METTL8: variants seen among roughly 807,000 people sequenced by gnomAD.
The protein encoded by METTL8 is methyltransferase 8, tRNA N3-cytidine, also known as tRNA N(3)-cytidine methyltransferase METTL8, mitochondrial.
In METTL8, 32 loss-of-function variants were observed where a neutral mutation model predicts 48.7. That is an observed-to-expected ratio of 0.66 (90% CI 0.50 to 0.88). METTL8 has a LOEUF of 0.88. Among genes scored for constraint, METTL8 ranks in the 40% least tolerant of loss-of-function variants. The pLI, the probability that METTL8 is intolerant of heterozygous loss-of-function variation, is 0.00. For synonymous variants in METTL8, 136 were observed against 157.1 expected (o/e 0.87, Z 1.01); for missense variants, 464 against 474.4 (o/e 0.98, Z 0.20).
chr2:171,414,940 T>TA (rs1691147133), intron 1 of METTL8, among the ~76,000 whole-genome samples: 1 of 152,170 alleles, frequency 6.6e-6, no homozygotes. Context: ...CTGATGGTTT[T>TA]ATAAGGGGAA....
intron 1 of METTL8, among the ~76,000 whole-genome samples, chr2:171,428,977 A>G (rs1220684277): frequency 6.6e-6 from 1 of 152,228 alleles, no homozygotes; most frequent in African/African-American, 2.4e-5. Flanking sequence ...AAGATAATGA[A>G]GTGCCTGGTA....
At chr2:171,392,835 G>C (rs1029759666) in intron 1 of METTL8, among the ~76,000 whole-genome samples, 1 of 151,934 alleles carries the variant, frequency 6.6e-6, no homozygotes, top group African/African-American at 2.4e-5. Flanking sequence ...GGTGGCTCAT[G>C]CCTGTAATCC....
At chr2:171,363,422 T>C (rs1270636687) in intron 2 of METTL8, among the ~76,000 whole-genome samples, 1 of 151,928 alleles carries the variant, frequency 6.6e-6, no homozygotes, top group Non-Finnish European at 1.5e-5. Context: ...AACTATAGAA[T>C]TTAAGCATAG....
At chr2:171,331,351 C>T (rs1190328982) in intron 6 of METTL8, among the ~76,000 whole-genome samples, 3 of 151,046 alleles carry the variant, frequency 2.0e-5, no homozygotes, top group Non-Finnish European at 2.9e-5. Context: ...CCTTGTGATC[C>T]GCCTGCCTCG....
In METTL8 at chr2:171,339,179, A is replaced by T; in HGVS notation, c.606+5T>A. The T allele has an allele frequency of 6.8e-7, 1 of 1,476,866 alleles. No individual in the cohort carries two copies. The highest frequency in any genetic ancestry group is 1.4e-5 in the African/African-American group (1 of 71,596). The allele number at this position is 1,476,866 out of a possible 1,614,324, so 91.5% of individuals were successfully genotyped here. A position where few individuals can be genotyped will look rare whatever the true frequency, so the allele number is the denominator to read the frequency against. On this transcript the variant is annotated splice_donor_5th_base_variant and intron_variant, in intron 4 of 9. Transcript: ENST00000375258. ...CCTCCCATTTTTGTCCCTTGAGCAC[A>T]ATACCTCTAGTATCCTGAAAGTGGC...
intron 2 of METTL8, among the ~76,000 whole-genome samples, chr2:171,388,429 C>T (rs1688279576): frequency 6.6e-6 from 1 of 152,208 alleles, no homozygotes; most frequent in Non-Finnish European, 1.5e-5. Context: ...TTATCTTTCA[C>T]CAATCTCCTA....
intron 2 of METTL8, among the ~76,000 whole-genome samples, chr2:171,381,124 T>C (rs1442836020): frequency 6.6e-6 from 1 of 152,150 alleles, no homozygotes; most frequent in Admixed American, 6.5e-5. Flanking sequence ...AACTATCTGA[T>C]CTTCAACAAA....
intron 2 of METTL8, among the ~76,000 whole-genome samples, chr2:171,381,884 C>T (rs1192692272): frequency 4.6e-5 from 7 of 150,766 alleles, no homozygotes; most frequent in Admixed American, 1.3e-4. Context: ...AGGGTTCAAG[C>T]GATTCTCCTA....
chr2:171,377,998 T>C (rs1248168884), intron 2 of METTL8, among the ~76,000 whole-genome samples: 3 of 152,136 alleles, frequency 2.0e-5, no homozygotes, highest in Non-Finnish European at 2.9e-5. Context: ...ATGGAACCAA[T>C]CTAAATGCCC....
At position 171,345,277 on chromosome 2, in the gene METTL8, A is replaced by G. The variant is rs1687156729; in HGVS notation, c.236-5723T>C. On this transcript the variant is annotated intron_variant, in intron 3 of 9. Transcript: ENST00000375258. ...CAGAATTCATTCTGAATCACACTCA[A>G]CATCACAACTAAGAAATTGAATTAA... Among the ~76,000 whole-genome samples the G allele has an allele frequency of 2.0e-5, 3 of 152,222 alleles. No individual in the cohort carries two copies. The South Asian group carries it at 6.2e-4, about 32-fold the overall frequency.
intron 9 of METTL8, among the ~76,000 whole-genome samples, chr2:171,325,051 G>T (rs182193582): frequency 1.3e-5 from 2 of 150,918 alleles, no homozygotes; most frequent in African/African-American, 4.9e-5. Context: ...GAACCGGCGA[G>T]GTGGAGATGG....
rs5836336 is a variant in METTL8, at chr2:171,432,226, C to CAA, written c.-13+1655_-13+1656dup. On this transcript the variant is annotated intron_variant, in intron 1 of 9. Transcript: ENST00000375258. ...GAGGTCTCCAGTGGCAAAGCAACGT[C>CAA]AAAAAAAAAAAATCCTGTGTCACAA... Among the ~76,000 whole-genome samples, 287 of 142,486 alleles carry CAA rather than the reference C, an allele frequency of 2.0e-3. 2 individuals are homozygous for CAA. The highest frequency in any genetic ancestry group is 7.5e-3 in the South Asian group (34 of 4,506). 93.5% of individuals were successfully genotyped at this position (142,486 alleles called of 152,430 possible). A position where few individuals can be genotyped will look rare whatever the true frequency, so the allele number is the denominator to read the frequency against.
At chr2:171,419,738 C>T (rs1691688646) in intron 1 of METTL8, among the ~76,000 whole-genome samples, 1 of 152,106 alleles carries the variant, frequency 6.6e-6, no homozygotes, top group African/African-American at 2.4e-5. Context: ...GGAATCCCCA[C>T]ACTCCTGATA....
intron 2 of METTL8, among the ~76,000 whole-genome samples, chr2:171,370,136 A>G (rs998588272): frequency 2.0e-5 from 3 of 152,142 alleles, no homozygotes; most frequent in Non-Finnish European, 4.4e-5. Flanking sequence ...AAAAGGGCAG[A>G]AGAGAGAAAT....
At chr2:171,337,208 C>T (rs1434875147) in intron 5 of METTL8, among the ~76,000 whole-genome samples, 1 of 152,028 alleles carries the variant, frequency 6.6e-6, no homozygotes, top group Non-Finnish European at 1.5e-5. Context: ...TACACATAAG[C>T]TTAAAAAATT....
chr2:171,347,987 A>C (rs1455238056), intron 3 of METTL8, among the ~76,000 whole-genome samples: 1 of 152,170 alleles, frequency 6.6e-6, no homozygotes, highest in Non-Finnish European at 1.5e-5. Flanking sequence ...GGCTCTACGG[A>C]ATAGCAAGTG....
intron 3 of METTL8, among the ~76,000 whole-genome samples, chr2:171,344,231 AT>A (rs1475609546): frequency 6.6e-6 from 1 of 152,164 alleles, no homozygotes; most frequent in Non-Finnish European, 1.5e-5. Flanking sequence ...TCTCAGATAG[AT>A]TTTATTATTC....
chr2:171,372,704 A>G (rs1050329689), intron 2 of METTL8, among the ~76,000 whole-genome samples: 1 of 151,940 alleles, frequency 6.6e-6, no homozygotes, highest in African/African-American at 2.4e-5. Context: ...TCATTGTTCA[A>G]TTCCTACCTA....
At chr2:171,411,831 T>G (rs371354020) in intron 1 of METTL8, among the ~76,000 whole-genome samples, 8 of 152,262 alleles carry the variant, frequency 5.3e-5, no homozygotes, top group African/African-American at 1.9e-4. Context: ...TTGCTTACAT[T>G]TAAATGTATG....
Sources: allele counts gnomAD v4.1 joint callset (sites outside exome capture counted in the v4.1 genomes callset), GRCh38; gene constraint gnomAD v4.1.1; transcripts MANE v1.5; gene names NCBI Gene and HGNC (gene_info 2026-07-23, HGNC 2026-07-21).